Variants in PDE11A observed in about 807,000 individuals in gnomAD.
PDE11A encodes dual 3',5'-cyclic-AMP and -GMP phosphodiesterase 11A.
PDE11A carries 100 observed loss-of-function variants against 100.5 expected under a neutral mutation model. That is an observed-to-expected ratio of 1.00 (90% CI 0.85 to 1.18). The LOEUF (loss-of-function observed/expected upper bound fraction) is 1.18, where lower values mean the gene tolerates loss of function less well. PDE11A is among the 50% of genes most tolerant of loss of function. The pLI is 0.00. For synonymous variants in PDE11A, 381 were observed against 420.8 expected, an observed-to-expected ratio of 0.91 and a Z score of 1.16; for missense variants, 1,141 against 1,152.6, an observed-to-expected ratio of 0.99 and a Z score of 0.15.
chr2:177,933,875 T>C (rs775969672), intron 2 of PDE11A, among the ~76,000 whole-genome samples: 3 of 152,012 alleles, frequency 2.0e-5, no homozygotes, highest in Non-Finnish European at 4.4e-5. Context: ...AAATAAGCAA[T>C]TGTGAAAGGA....
intron 15 of PDE11A, among the ~76,000 whole-genome samples, chr2:177,681,403 G>C (rs865958936): frequency 2.6e-5 from 4 of 152,136 alleles, no homozygotes; most frequent in Admixed American, 2.0e-4. Flanking sequence ...GTGCTTAAAC[G>C]CATAGGCTAT....
At chr2:177,926,751 T>A (rs560561190) in intron 2 of PDE11A, 1 of 133,530 alleles carries the variant, frequency 7.5e-6, no homozygotes, top group African/African-American at 2.7e-5. Flanking sequence ...CATTTCCTGG[T>A]TTTTTTTCCT....
chr2:177,817,303 C>T (rs187081868), intron 8 of PDE11A, among the ~76,000 whole-genome samples: 104 of 152,116 alleles, frequency 6.8e-4, no homozygotes, highest in Middle Eastern at 3.4e-3. Context: ...GTAAAGAAAC[C>T]AAGTTAATGT....
chr2:178,021,839 A>T (rs1298108111), intron 1 of PDE11A, among the ~76,000 whole-genome samples: 1 of 152,214 alleles, frequency 6.6e-6, no homozygotes, highest in Non-Finnish European at 1.5e-5. Flanking sequence ...AGAAAGAGGG[A>T]ATAGTATCTC....
chr2:177,670,156 G>C (rs1321944781), intron 17 of PDE11A, among the ~76,000 whole-genome samples: 2 of 152,150 alleles, frequency 1.3e-5, no homozygotes, highest in African/African-American at 4.8e-5. Context: ...ACTGTTCATA[G>C]CAGACTTTTA....
intron 13 of PDE11A, among the ~76,000 whole-genome samples, chr2:177,709,617 C>T (rs1377385742): frequency 6.6e-6 from 1 of 152,122 alleles, no homozygotes; most frequent in Non-Finnish European, 1.5e-5. Flanking sequence ...GCTGGTGGCC[C>T]TGCCTGAAGG....
chr2:177,740,296 AAG>A (rs1357669762), intron 10 of PDE11A, among the ~76,000 whole-genome samples: 1 of 152,220 alleles, frequency 6.6e-6, no homozygotes, highest in Non-Finnish European at 1.5e-5. Context: ...TAACAACACT[AAG>A]AGCTTTAATT....
chr2:178,048,803 T>A (rs2086785817), intron 1 of PDE11A, among the ~76,000 whole-genome samples: 1 of 152,240 alleles, frequency 6.6e-6, no homozygotes, highest in Non-Finnish European at 1.5e-5. Context: ...GCCATAAATG[T>A]GATATTTTGA....
At position 178,058,557 on chromosome 2, in the gene PDE11A, T is replaced by C. The variant is rs200514912; in HGVS notation, c.912+12969A>G. On this transcript the variant is annotated intron_variant, in intron 1 of 19. Transcript: ENST00000286063. ...TCAGCCACGTGGAACTGTGAGTCCA[T>C]TAAGCCTCTTTTTCTTCCCAGTCTC... 1.5e-4 allele frequency among the ~76,000 whole-genome samples: 23 copies of C among 152,356 alleles called. 1 individual carries two copies. In the East Asian group the frequency reaches 4.4e-3, roughly 29 times the overall value.
intron 2 of PDE11A, among the ~76,000 whole-genome samples, chr2:178,010,519 A>G (rs2086263302): frequency 6.6e-6 from 1 of 152,208 alleles, no homozygotes; most frequent in African/African-American, 2.4e-5. Context: ...AGAGCTATAA[A>G]ACTTTTCTTG....
At chr2:178,074,251 G>T (rs920092), upstream of PDE11A, among the ~76,000 whole-genome samples, 139,472 of 151,046 alleles carry the variant, frequency 0.92, 64,814 homozygotes, top group East Asian at 0.98. Flanking sequence ...TGAGTTTTTT[G>T]GGGGGTGTGG....
In PDE11A at chr2:177,820,294, G is replaced by T; in HGVS notation, c.1502C>A (p.Ala501Glu). ...TATGTGAAAACCAGATATCTGGTCT[G>T]CCTAGGAAACAAGAAAGAAGTTAAT... is the stretch of plus-strand genomic sequence containing the variant. ...AYQDPRFDAE[A>E]DQISGFHIRS... Residue 501 changes from alanine (A) to glutamate (E), a missense_variant and splice_region_variant, in exon 7 of 20, where the codon GCA becomes GAA. Coordinates refer to ENST00000286063, the MANE Select transcript of PDE11A (RefSeq NM_016953.4). 1 of 1,547,334 alleles carries T rather than the reference G, an allele frequency of 6.5e-7. No homozygotes were observed. The highest frequency in any genetic ancestry group is 8.9e-7 in the Non-Finnish European group (1 of 1,120,098).
At chr2:178,083,494 G>A (rs1188650033) in intron 2 of PDE11A, among the ~76,000 whole-genome samples, 1 of 152,150 alleles carries the variant, frequency 6.6e-6, no homozygotes, top group Non-Finnish European at 1.5e-5. Flanking sequence ...TTAAAGTACT[G>A]CTCAGAAAAA....
In PDE11A at chr2:178,066,958, CAGATTATGTAGCTGGCCCTACTT is replaced by C. The variant is rs546814968; in HGVS notation, c.912+4545_912+4567del. ...CTTTACCATCTTGCACTAGGCTCCA[CAGATTATGTAGCTGGCCCTACTT>C]AGAATCTTTCCCCTTAACCCAGCTT... On this transcript the variant is annotated intron_variant, in intron 1 of 19. Transcript: ENST00000286063. Among the ~76,000 whole-genome samples, 70 of 152,328 alleles carry C rather than the reference CAGATTATGTAGCTGGCCCTACTT, an allele frequency of 4.6e-4. 1 individual carries two copies. Among genetic ancestry groups the C allele is most frequent in the African/African-American group, 1.6e-3 (66 of 41,568 alleles).
intron 6 of PDE11A, among the ~76,000 whole-genome samples, chr2:177,832,745 G>A (rs775588295): frequency 2.5e-4 from 38 of 152,180 alleles, no homozygotes; most frequent in African/African-American, 5.5e-4. Context: ...GAAACATTCC[G>A]CTGGTATGGG....
intron 9 of PDE11A, among the ~76,000 whole-genome samples, chr2:177,804,486 T>G (rs1043850345): frequency 3.3e-5 from 5 of 151,864 alleles, no homozygotes; most frequent in African/African-American, 1.2e-4. Flanking sequence ...TGATAGGAAT[T>G]AGTAAATCTT....
chr2:177,846,034 GGGGAGA>G (rs763764893), intron 5 of PDE11A, among the ~76,000 whole-genome samples: 2,421 of 146,244 alleles, frequency 0.017, 43 homozygotes, highest in East Asian at 0.046. Flanking sequence ...GGGAGACCGT[GGGGAGA>G]GGGAGAGGGA....
chr2:177,670,063 C>T (rs1011305567), intron 17 of PDE11A, among the ~76,000 whole-genome samples: 1 of 152,180 alleles, frequency 6.6e-6, no homozygotes, highest in Admixed American at 6.5e-5. Context: ...TATTTGTATG[C>T]ACTCTGGGAG....
At position 177,759,173 on chromosome 2, in the gene PDE11A, G is replaced by GCACA. The variant is rs10541503; in HGVS notation, c.1788+10146_1788+10149dup. Among the ~76,000 whole-genome samples the GCACA allele has an allele frequency of 5.0e-3, 743 of 147,490 alleles. 4 individuals carry two copies. Among genetic ancestry groups the GCACA allele is most frequent in the East Asian group, 0.027 (136 of 5,002 alleles). ...ACTATCCCGTTAAGTTGGAGCACGT[G>GCACA]CACACACACACACACACACACACAC... On this transcript the variant is annotated intron_variant, in intron 10 of 19. Transcript: ENST00000286063.
Sources: gnomAD v4.1 joint callset for allele counts (sites outside exome capture counted in the v4.1 genomes callset) on GRCh38, gnomAD v4.1.1 for gene constraint, MANE v1.5 for transcripts, NCBI Gene and HGNC (gene_info 2026-07-23, HGNC 2026-07-21) for gene names.